Variants in NTM observed in about 807,000 individuals in gnomAD.
The protein encoded by NTM is IgLON family member 2.
NTM carries 13 observed loss-of-function variants against 42.1 expected under a neutral mutation model. The ratio of observed to expected loss-of-function variants is 0.31; its 90% confidence interval spans 0.20 to 0.49. The LOEUF (loss-of-function observed/expected upper bound fraction) is 0.49. Ranked by LOEUF, NTM falls within the 20% of genes least tolerant of loss-of-function variation. The pLI is 0.99. For synonymous variants in NTM, 187 were observed against 179.2 expected, an observed-to-expected ratio of 1.04 and a Z score of -0.35; for missense variants, 373 against 452.8, an observed-to-expected ratio of 0.82 and a Z score of 1.60.
Position 132,146,428 on chromosome 11 carries a change from T to C in NTM, c.314T>C (p.Val105Ala). The C allele has an allele frequency of 6.2e-7, 1 of 1,614,070 alleles. No individual in the cohort carries two copies. The highest frequency in any genetic ancestry group is 8.5e-7 in the Non-Finnish European group (1 of 1,180,010). The stretch of plus-strand genomic sequence containing the variant: ...CAGTACAGCATCGAGATCCAGAACG[T>C]GGATGTGTATGACGAGGGCCCTTAC... ...QTQYSIEIQNVDVYDEGPYTC... is the reference protein window; with the variant it reads ...QTQYSIEIQNADVYDEGPYTC... The change falls in exon 3 of 9, where the codon GTG (valine) becomes GCG (alanine). Residue 105 changes from valine (V) to alanine (A), a missense_variant. By Grantham distance (64) the Val-to-Ala change is moderately conservative. This residue lies in a region of NTM where 312 missense variants were observed against 353.5 expected (regional missense o/e 0.88). Transcript: ENST00000683400. The surrounding 1 kb of genome is among the most constrained non-coding windows in gnomAD (Gnocchi z 4.5).
intron 1 of NTM, among the ~76,000 whole-genome samples, chr11:131,486,516 C>A (rs946008702): frequency 1.3e-5 from 2 of 152,160 alleles, no homozygotes; most frequent in African/African-American, 4.8e-5. Flanking sequence ...AGCCACCTAG[C>A]ATCACCTCTT....
chr11:131,647,737 T>C (rs2065943166), intron 1 of NTM, among the ~76,000 whole-genome samples: 1 of 152,174 alleles, frequency 6.6e-6, no homozygotes, highest in Admixed American at 6.5e-5. Flanking sequence ...TATTATACCA[T>C]GCTGGGTCAA....
intron 1 of NTM, among the ~76,000 whole-genome samples, chr11:131,527,200 T>G (rs1020279961): frequency 6.6e-6 from 1 of 152,212 alleles, no homozygotes; most frequent in African/African-American, 2.4e-5. Context: ...TCTAAATGGC[T>G]AAGGCTCCTG....
Position 132,314,531 on chromosome 11 carries a change from T to G in NTM, c.783-21T>G. 1.9e-6 allele frequency: 3 copies of G among 1,599,864 alleles called. No individual in the cohort carries two copies. In the South Asian group the frequency reaches 3.4e-5, roughly 18 times the overall value. On this transcript the variant is annotated intron_variant, in intron 6 of 8. Coordinates refer to ENST00000683400, the MANE Select transcript of NTM (RefSeq NM_001352005.2). The stretch of plus-strand genomic sequence containing the variant: ...ACATAACCATCTTGTTTTCTTCTTT[T>G]TTGTCTTTTGTTTCTCTCAGACTGA...
At chr11:132,253,879 T>C (rs2092232107) in intron 4 of NTM, among the ~76,000 whole-genome samples, 1 of 152,210 alleles carries the variant, frequency 6.6e-6, no homozygotes, top group African/African-American at 2.4e-5. Flanking sequence ...AAGGCTGTCC[T>C]TTCCATCTGC....
chr11:132,056,558 C>T lies in NTM; in HGVS notation c.168-89724C>T, dbSNP rs900638142. On this transcript the variant is annotated intron_variant, in intron 2 of 8. Coordinates refer to ENST00000683400, the MANE Select transcript of NTM (RefSeq NM_001352005.2). ...GATATTTAGGATGAGGCAATGAATA[C>T]ATGAATGAATACGTCAATGAATGAA... Among the ~76,000 whole-genome samples the T allele has an allele frequency of 2.0e-5, 3 of 152,284 alleles. No homozygotes were observed. The South Asian group carries it at 6.2e-4, about 32-fold the overall frequency.
rs1339154776 is a variant in NTM, at chr11:132,044,164, G to A, written c.168-102118G>A. 7.3e-5 allele frequency among the ~76,000 whole-genome samples: 10 copies of A among 137,012 alleles called. No homozygotes were observed. The South Asian group carries it at 1.7e-3, about 23-fold the overall frequency. The allele number at this position is 137,012 out of a possible 152,430, so 89.9% of individuals were successfully genotyped here. A position where few individuals can be genotyped will look rare whatever the true frequency, so the allele number is the denominator to read the frequency against. Reference sequence around the variant, plus strand: ...TGTATGTGCGTGTGTGTGTGTGTGTGCTTATGTGCATGTGTATGTGTGTGT... The same window carrying A: ...TGTATGTGCGTGTGTGTGTGTGTGTACTTATGTGCATGTGTATGTGTGTGT... On this transcript the variant is annotated intron_variant, in intron 2 of 8. Coordinates refer to ENST00000683400, the MANE Select transcript of NTM (RefSeq NM_001352005.2).
intron 2 of NTM, among the ~76,000 whole-genome samples, chr11:131,921,107 G>A (rs544824046): frequency 6.6e-6 from 1 of 152,300 alleles, no homozygotes; most frequent in East Asian, 1.9e-4. Flanking sequence ...TAGCAATGCT[G>A]TGGTTTACGG....
intron 3 of NTM, among the ~76,000 whole-genome samples, chr11:132,197,229 T>C (rs1225200570): frequency 6.6e-6 from 1 of 151,558 alleles, no homozygotes; most frequent in East Asian, 1.9e-4. Flanking sequence ...GTAGATCTGC[T>C]CAAGTACTGC....
chr11:131,526,666 C>T (rs980507738), intron 1 of NTM, among the ~76,000 whole-genome samples: 2 of 152,142 alleles, frequency 1.3e-5, no homozygotes, highest in African/African-American at 4.8e-5. Flanking sequence ...TTTTAATTAA[C>T]AGGTGAGCTG....
chr11:131,832,485 A>G (rs1196426707), intron 1 of NTM, among the ~76,000 whole-genome samples: 2 of 152,232 alleles, frequency 1.3e-5, no homozygotes, highest in African/African-American at 2.4e-5. Context: ...AGAATTTACT[A>G]TAAGCCTTAA....
At chr11:132,244,292 A>C (rs2090709066) in intron 4 of NTM, among the ~76,000 whole-genome samples, 1 of 152,234 alleles carries the variant, frequency 6.6e-6, no homozygotes, top group Non-Finnish European at 1.5e-5. Flanking sequence ...CAACCCCTGG[A>C]AGAATGCAGC....
At chr11:132,138,831 G>A (rs2068510809) in intron 2 of NTM, among the ~76,000 whole-genome samples, 1 of 152,060 alleles carries the variant, frequency 6.6e-6, no homozygotes, top group African/African-American at 2.4e-5. Context: ...CATTGGGGAG[G>A]GTGGGTCTTA....
chr11:132,322,275 A>G (rs931566870), intron 7 of NTM, among the ~76,000 whole-genome samples: 10 of 152,134 alleles, frequency 6.6e-5, no homozygotes, highest in Non-Finnish European at 1.5e-4. Flanking sequence ...TGCTGTATTC[A>G]GGAAACCCAT....
intron 1 of NTM, among the ~76,000 whole-genome samples, chr11:131,518,278 A>C (rs1269030080): frequency 6.6e-6 from 1 of 152,180 alleles, no homozygotes; most frequent in Non-Finnish European, 1.5e-5. Flanking sequence ...CAGTAAGTGC[A>C]AGAATGGGGA....
At chr11:132,162,027 A>C (rs923440411) in intron 3 of NTM, among the ~76,000 whole-genome samples, 2 of 152,218 alleles carry the variant, frequency 1.3e-5, no homozygotes, top group Non-Finnish European at 2.9e-5. Flanking sequence ...GAAGGAAGAC[A>C]CTAGGTTTCA....
At chr11:132,331,996 C>T (rs1019975999) in intron 8 of NTM, among the ~76,000 whole-genome samples, 5 of 152,178 alleles carry the variant, frequency 3.3e-5, no homozygotes, top group African/African-American at 1.2e-4. Flanking sequence ...GCTCGGTCCA[C>T]TGAGAAGCTG....
chr11:131,603,453 C>G (rs557823353), intron 1 of NTM, among the ~76,000 whole-genome samples: 1 of 152,080 alleles, frequency 6.6e-6, no homozygotes, highest in Admixed American at 6.6e-5. Context: ...GTTTGAGTAG[C>G]GTGGCTTCCG....
intron 1 of NTM, among the ~76,000 whole-genome samples, chr11:131,527,035 G>A (rs1312986485): frequency 2.0e-5 from 3 of 152,146 alleles, no homozygotes; most frequent in East Asian, 1.9e-4. Flanking sequence ...TATCTAGTCC[G>A]AGCAATGACA....
Sources: gnomAD v4.1 joint callset for allele counts (sites outside exome capture counted in the v4.1 genomes callset) on GRCh38, gnomAD v4.1.1 for gene constraint, gnomAD v4.1.1 regional missense constraint, Gnocchi (gnomAD v3.1) non-coding constraint, MANE v1.5 for transcripts, NCBI Gene and HGNC (gene_info 2026-07-23, HGNC 2026-07-21) for gene names.